SHANK2: variants seen among roughly 807,000 people sequenced by gnomAD.
SHANK2 encodes the protein SH3 and multiple ankyrin repeat domains protein 2.
SHANK2 carries 43 observed loss-of-function variants against 133.7 expected under a neutral mutation model. That is an observed-to-expected ratio of 0.32 (90% CI 0.25 to 0.41). The LOEUF (loss-of-function observed/expected upper bound fraction) is 0.41, where lower values mean the gene tolerates loss of function less well. SHANK2 is among the 10% of genes least tolerant of loss of function. SHANK2 has a pLI of 1.00. For missense variants in SHANK2, 1,994 were observed against 2,235.8 expected (o/e 0.89, Z 2.18); for synonymous variants, 1,017 against 952.8 (o/e 1.07, Z -1.24).
chr11:70,722,126 T>C (rs1946086467), intron 14 of SHANK2, among the ~76,000 whole-genome samples: 1 of 152,232 alleles, frequency 6.6e-6, no homozygotes, highest in South Asian at 2.1e-4. Flanking sequence ...TCACTGTCAC[T>C]GCTGGGATGT....
intron 2 of SHANK2, among the ~76,000 whole-genome samples, chr11:71,184,137 T>TG (rs1220702803): frequency 1.3e-5 from 2 of 152,146 alleles, no homozygotes; most frequent in African/African-American, 4.8e-5. Context: ...CACCTGGACT[T>TG]GCCTGGCACG....
At chr11:70,928,528 G>A (rs1464581866) in intron 10 of SHANK2, among the ~76,000 whole-genome samples, 5 of 152,150 alleles carry the variant, frequency 3.3e-5, no homozygotes, top group African/African-American at 1.2e-4. Flanking sequence ...TGTGGAACAC[G>A]AGATGGGATC....
Position 70,576,623 on chromosome 11 carries a change from C to G in SHANK2, c.2062-73692G>C, listed in dbSNP as rs1187558249. 3.3e-5 allele frequency among the ~76,000 whole-genome samples: 5 copies of G among 152,110 alleles called. No homozygotes were observed. The East Asian group carries it at 9.7e-4, about 30-fold the overall frequency. ...CTGCACTGCAGCCTCGGCGACAGAGCGAGACTCCATCTCAAAAAACAAACA... is the reference window on the plus strand; with the variant it reads ...CTGCACTGCAGCCTCGGCGACAGAGGGAGACTCCATCTCAAAAAACAAACA... On this transcript the variant is annotated intron_variant, in intron 17 of 25. Coordinates refer to ENST00000601538, the MANE Select transcript of SHANK2 (RefSeq NM_012309.5).
chr11:70,519,486 A>G (rs2059303814), intron 17 of SHANK2, among the ~76,000 whole-genome samples: 1 of 152,128 alleles, frequency 6.6e-6, no homozygotes, highest in Non-Finnish European at 1.5e-5. Context: ...TATCTCTACT[A>G]AAAATATAAA....
intron 10 of SHANK2, among the ~76,000 whole-genome samples, chr11:70,937,667 T>TAAA (rs1230023063): frequency 6.6e-6 from 1 of 152,086 alleles, no homozygotes; most frequent in African/African-American, 2.4e-5. Context: ...GAGTACTTTA[T>TAAA]AGTGTGTGTG....
rs1555031539 is a variant in SHANK2 at position 70,729,514 on chromosome 11, T to C, written c.1778-30751A>G. 2.6e-5 allele frequency among the ~76,000 whole-genome samples: 4 copies of C among 151,382 alleles called. 1 individual carries two copies. The South Asian group carries it at 8.4e-4, about 32-fold the overall frequency. On this transcript the variant is annotated intron_variant, in intron 14 of 25. Coordinates refer to ENST00000601538, the MANE Select transcript of SHANK2 (RefSeq NM_012309.5). ...TGAATGTACTCATGCCACTGCACTG[T>C]GTACTTTCTTCATTTTTTTTTTTTT...
intron 10 of SHANK2, among the ~76,000 whole-genome samples, chr11:70,940,433 T>C (rs1005982481): frequency 6.6e-6 from 1 of 151,784 alleles, no homozygotes; most frequent in Admixed American, 6.6e-5. Context: ...TTTTGTATTT[T>C]TAGTAGAGAC....
At chr11:70,590,528 G>T (rs1186645075) in intron 17 of SHANK2, among the ~76,000 whole-genome samples, 1 of 152,134 alleles carries the variant, frequency 6.6e-6, no homozygotes, top group African/African-American at 2.4e-5. Flanking sequence ...CTTATTTTCA[G>T]AAATTGCCAC....
intron 10 of SHANK2, chr11:70,907,743 A>T: frequency 6.7e-6 from 2 of 300,178 alleles, no homozygotes; most frequent in South Asian, 5.6e-5. Flanking sequence ...CAGTTGCAGG[A>T]TCGGATTTTG....
chr11:71,143,487 G>T (rs1260792046), intron 3 of SHANK2, among the ~76,000 whole-genome samples: 1 of 152,220 alleles, frequency 6.6e-6, no homozygotes, highest in Non-Finnish European at 1.5e-5. Flanking sequence ...CCGACTTCTT[G>T]TCTCAGCTCT....
At chr11:71,208,129 G>A (rs1446173432) in intron 2 of SHANK2, among the ~76,000 whole-genome samples, 2 of 152,172 alleles carry the variant, frequency 1.3e-5, no homozygotes, top group African/African-American at 4.8e-5. Context: ...ACTTAAACCC[G>A]AGGAGGGGCA....
At chr11:70,825,661 G>A (rs965125367) in intron 11 of SHANK2, among the ~76,000 whole-genome samples, 2 of 152,158 alleles carry the variant, frequency 1.3e-5, no homozygotes, top group Admixed American at 1.3e-4. Context: ...ACGAGCTGGG[G>A]CTGGGAAGTA....
At position 70,539,190 on chromosome 11, in the gene SHANK2, C is replaced by T. The variant is rs142106774; in HGVS notation, c.2062-36259G>A. On this transcript the variant is annotated intron_variant, in intron 17 of 25. Coordinates refer to ENST00000601538, the MANE Select transcript of SHANK2 (RefSeq NM_012309.5). ...CAGAGGGAGAGGCCGGATGGCAGAG[C>T]GTGCACGGCCGACCCCAGGATGCAA... 5.7e-3 allele frequency among the ~76,000 whole-genome samples: 872 copies of T among 152,256 alleles called. 8 individuals carry two copies. Among genetic ancestry groups the T allele is most frequent in the African/African-American group, 0.02 (832 of 41,552 alleles).
rs567656359 is a variant in SHANK2, at chr11:70,664,708, C to T, written c.1854-3030G>A. Reference sequence around the variant, plus strand: ...CACTTCCTGCCAGCATACCCTGCGACGGGAACTTCTTAGGGCCAGGGGGGC... The same window carrying T: ...CACTTCCTGCCAGCATACCCTGCGATGGGAACTTCTTAGGGCCAGGGGGGC... On this transcript the variant is annotated intron_variant, in intron 15 of 25. Transcript: ENST00000601538. Among the ~76,000 whole-genome samples the T allele has an allele frequency of 2.0e-5, 3 of 152,336 alleles. No homozygotes were observed. In the South Asian group the frequency reaches 6.2e-4, roughly 32 times the overall value.
chr11:70,775,027 A>T (rs1947331831), intron 14 of SHANK2, among the ~76,000 whole-genome samples: 1 of 152,028 alleles, frequency 6.6e-6, no homozygotes, highest in East Asian at 1.9e-4. Flanking sequence ...GGGTGTGGTG[A>T]TGCACACCTA....
chr11:71,193,228 C>T (rs1209991058), intron 2 of SHANK2, among the ~76,000 whole-genome samples: 2 of 152,174 alleles, frequency 1.3e-5, no homozygotes, highest in African/African-American at 4.8e-5. Flanking sequence ...CCAGAACCGG[C>T]TGAGAGGGCT....
At chr11:70,510,391 C>A (rs990412651) in intron 17 of SHANK2, among the ~76,000 whole-genome samples, 26 of 152,306 alleles carry the variant, frequency 1.7e-4, no homozygotes, top group Middle Eastern at 6.8e-3. Context: ...AGGCCACAGC[C>A]CTCCCGCGCT....
chr11:70,856,900 C>T (rs918871758), intron 11 of SHANK2, among the ~76,000 whole-genome samples: 4 of 152,176 alleles, frequency 2.6e-5, no homozygotes, highest in Middle Eastern at 3.2e-3. Flanking sequence ...ATTTGAAACT[C>T]TGGATACACA....
chr11:71,219,670 C>T (rs1385681213), intron 2 of SHANK2, among the ~76,000 whole-genome samples: 1 of 150,716 alleles, frequency 6.6e-6, no homozygotes. Context: ...GTGGGCAGAT[C>T]AGCTGAGGTC....
Sources: allele counts gnomAD v4.1 joint callset (sites outside exome capture counted in the v4.1 genomes callset), GRCh38; gene constraint gnomAD v4.1.1; transcripts MANE v1.5; gene names NCBI Gene and HGNC (gene_info 2026-07-23, HGNC 2026-07-21).